The following COL26A1 variants were observed in gnomAD, a reference collection of about 807,000 sequenced individuals.
COL26A1 encodes the protein collagen type XXVI alpha 1 chain.
A neutral mutation model predicts 59.3 loss-of-function variants in COL26A1; 41 were observed. The observed-to-expected ratio is 0.69, with a 90% CI of 0.54 to 0.90. The LOEUF (loss-of-function observed/expected upper bound fraction) is 0.90, where lower values mean the gene tolerates loss of function less well. COL26A1 is among the 40% of genes least tolerant of loss of function. COL26A1 has a pLI of 0.00. For synonymous variants in COL26A1, 266 were observed against 256.0 expected, an observed-to-expected ratio of 1.04 and a Z score of -0.37; for missense variants, 612 against 602.3, an observed-to-expected ratio of 1.02 and a Z score of -0.17.
intron 3 of COL26A1, among the ~76,000 whole-genome samples, chr7:101,454,090 C>A (rs1259429585): frequency 6.6e-6 from 1 of 152,096 alleles, no homozygotes; most frequent in African/African-American, 2.4e-5. Context: ...ACCCCTAAAT[C>A]AATAACTTGC....
chr7:101,363,664 G>A (rs1374038813), intron 1 of COL26A1, among the ~76,000 whole-genome samples: 1 of 151,872 alleles, frequency 6.6e-6, no homozygotes. Flanking sequence ...CGGCTCCGGG[G>A]CTGCGGTGGT....
chr7:101,460,695 C>A (rs181155718), intron 3 of COL26A1, among the ~76,000 whole-genome samples: 11 of 151,868 alleles, frequency 7.2e-5, no homozygotes. Flanking sequence ...GCAGAAGAAT[C>A]GCTTGAACCC....
chr7:101,492,652 A>G (rs771019644), intron 3 of COL26A1, among the ~76,000 whole-genome samples: 4 of 151,596 alleles, frequency 2.6e-5, no homozygotes, highest in Non-Finnish European at 5.9e-5. Flanking sequence ...AGCTGAGATC[A>G]TGCCACTGCA....
chr7:101,431,665 T>A (rs1368137201), intron 2 of COL26A1, among the ~76,000 whole-genome samples: 1 of 152,194 alleles, frequency 6.6e-6, no homozygotes, highest in Non-Finnish European at 1.5e-5. Context: ...GTCAAATGCC[T>A]TCTTTGCATT....
chr7:101,386,654 G>A (rs1011993922), intron 1 of COL26A1, among the ~76,000 whole-genome samples: 3 of 152,124 alleles, frequency 2.0e-5, no homozygotes, highest in African/African-American at 7.2e-5. Context: ...TTGAATCAAC[G>A]GCAGCTGGAC....
At chr7:101,516,052 G>C (rs1268365766) in intron 3 of COL26A1, among the ~76,000 whole-genome samples, 1 of 152,184 alleles carries the variant, frequency 6.6e-6, no homozygotes, top group Non-Finnish European at 1.5e-5. Flanking sequence ...AAATAACTGA[G>C]GGGGAAGTAA....
chr7:101,557,341 T>C (rs901819881), intron 12 of COL26A1, 29 bp from the exon 13 acceptor site: 5 of 1,597,738 alleles, frequency 3.1e-6, no homozygotes, highest in Non-Finnish European at 4.3e-6. Context: ...AGGCTCTACC[T>C]CGAGTCCACC....
At chr7:101,497,469 G>T (rs1370308473) in intron 3 of COL26A1, among the ~76,000 whole-genome samples, 1 of 152,102 alleles carries the variant, frequency 6.6e-6, no homozygotes, top group Non-Finnish European at 1.5e-5. Context: ...GAGCCCAGGA[G>T]TTCGAGACCA....
At chr7:101,488,350 A>ATT (rs1491117535) in intron 3 of COL26A1, among the ~76,000 whole-genome samples, 733 of 14,626 alleles carry the variant, frequency 0.05, 9 homozygotes, top group African/African-American at 0.11. Context: ...ATTTTATTTA[A>ATT]TATATATATA....
chr7:101,413,118 C>T (rs986559777), intron 1 of COL26A1, among the ~76,000 whole-genome samples: 5 of 152,170 alleles, frequency 3.3e-5, no homozygotes, highest in Admixed American at 2.0e-4. Context: ...CAGAGCCAAA[C>T]GCCTGGTGGG....
At chr7:101,490,888 A>G (rs772912956) in intron 3 of COL26A1, among the ~76,000 whole-genome samples, 4 of 151,046 alleles carry the variant, frequency 2.6e-5, no homozygotes, top group Non-Finnish European at 4.4e-5. Flanking sequence ...AATCCCAGCT[A>G]CTCAGGAGGC....
chr7:101,531,873 G>A (rs1303477203), intron 3 of COL26A1, among the ~76,000 whole-genome samples: 4 of 152,026 alleles, frequency 2.6e-5, no homozygotes, highest in South Asian at 4.2e-4. Flanking sequence ...TGACAGTGTC[G>A]GGGGGCCGTG....
rs2130639816 is a variant in COL26A1, at chr7:101,533,118, A to C, written c.422A>C (p.Glu141Ala). The C allele has an allele frequency of 6.2e-7, 1 of 1,607,698 alleles. No individual in the cohort carries two copies. The highest frequency in any genetic ancestry group is 1.3e-5 in the African/African-American group (1 of 74,960). ...MNCTRLSDMS[E>A]RLTTLEAKVL... ...TGCACCCGGCTCAGTGACATGAGTG[A>C]GCGACTGACCACACTGGAGGCCAAG... Residue 141 changes from glutamate to alanine, a missense_variant, in exon 4 of 13, where the codon GAG (glutamate) becomes GCG (alanine). Coordinates refer to ENST00000313669, the MANE Select transcript of COL26A1 (RefSeq NM_001278563.3).
At chr7:101,370,674 C>A (rs1191276924) in intron 1 of COL26A1, among the ~76,000 whole-genome samples, 2 of 152,056 alleles carry the variant, frequency 1.3e-5, no homozygotes, top group Non-Finnish European at 2.9e-5. Context: ...ACCCTGCCCA[C>A]CTTTCCTTCA....
At chr7:101,362,822 G>C, upstream of COL26A1, 1 of 556,278 alleles carries the variant, frequency 1.8e-6, no homozygotes, top group Non-Finnish European at 3.1e-6. Context: ...CCCTTTGACG[G>C]CTTAGAGCCC....
chr7:101,404,833 C>T (rs1211728377), intron 1 of COL26A1, among the ~76,000 whole-genome samples: 1 of 152,184 alleles, frequency 6.6e-6, no homozygotes, highest in Non-Finnish European at 1.5e-5. Context: ...GCTCAGGAAG[C>T]AGAGGTTGCA....
At chr7:101,473,595 C>G (rs1172333462) in intron 3 of COL26A1, among the ~76,000 whole-genome samples, 1 of 145,978 alleles carries the variant, frequency 6.9e-6, no homozygotes, top group African/African-American at 2.5e-5. Context: ...GGCAACAGAG[C>G]AACACCTTGT....
intron 3 of COL26A1, among the ~76,000 whole-genome samples, chr7:101,475,920 T>TCTC (rs1563000308): frequency 0.047 from 6,855 of 146,474 alleles, 322 homozygotes; most frequent in African/African-American, 0.11. Context: ...CTCTCTCTCT[T>TCTC]TCTTTCTCTC....
intron 3 of COL26A1, among the ~76,000 whole-genome samples, chr7:101,524,525 C>T (rs115508457): frequency 3.7e-4 from 56 of 151,832 alleles, no homozygotes; most frequent in African/African-American, 1.2e-3. Context: ...AACACACCAG[C>T]TGCAATTTTT....
Sources: allele counts gnomAD v4.1 joint callset (sites outside exome capture counted in the v4.1 genomes callset), GRCh38; gene constraint gnomAD v4.1.1; transcripts MANE v1.5; gene names NCBI Gene and HGNC (gene_info 2026-07-23, HGNC 2026-07-21).